The following TOX variants were observed in gnomAD, a reference collection of about 807,000 sequenced individuals.
TOX encodes thymocyte selection-associated high mobility group box protein TOX.
In TOX, 11 loss-of-function variants were observed where a neutral mutation model predicts 53.7. The ratio of observed to expected loss-of-function variants is 0.20; its 90% CI spans 0.13 to 0.34. The LOEUF (loss-of-function observed/expected upper bound fraction) is 0.34, where lower values mean the gene tolerates loss of function less well. Among genes scored for constraint, TOX ranks in the 10% least tolerant of loss-of-function variants. The probability of loss-of-function intolerance (pLI) is 1.00; values close to 1 mark genes in which losing one functional copy is unlikely to be tolerated. For synonymous variants in TOX, 225 were observed against 245.3 expected, an observed-to-expected ratio of 0.92 and a Z score of 0.77; for missense variants, 570 against 664.6, an observed-to-expected ratio of 0.86 and a Z score of 1.56.
At chr8:59,070,143 G>A (rs777755070) in intron 1 of TOX, among the ~76,000 whole-genome samples, 4 of 152,124 alleles carry the variant, frequency 2.6e-5, no homozygotes, top group African/African-American at 4.8e-5. Flanking sequence ...ATGTGACAGC[G>A]CAGCTACTTC....
At chr8:59,099,055 G>T (rs979602179) in intron 1 of TOX, among the ~76,000 whole-genome samples, 2 of 152,154 alleles carry the variant, frequency 1.3e-5, no homozygotes, top group Non-Finnish European at 2.9e-5. Flanking sequence ...TATGATGAAT[G>T]CCATGGTGCC....
chr8:58,968,064 C>T (rs897356891), intron 1 of TOX, among the ~76,000 whole-genome samples: 1 of 152,050 alleles, frequency 6.6e-6, no homozygotes, highest in South Asian at 2.1e-4. Context: ...CAAGAATTGC[C>T]TATATCATGA....
Position 58,988,181 on chromosome 8 carries a change from C to T in TOX, c.103-28173G>A, listed in dbSNP as rs1813370072. Among the ~76,000 whole-genome samples, 5 of 152,156 alleles carry T rather than the reference C, an allele frequency of 3.3e-5. No homozygotes were observed. The South Asian group carries it at 1.0e-3, about 31-fold the overall frequency. ...CACCATTGCAAAGACTGAAAGGACA[C>T]AACTCTTAAAAACTCAAAAGAATGA... On this transcript the variant is annotated intron_variant, in intron 1 of 8. Transcript: ENST00000361421.
At chr8:58,833,971 C>T (rs1015061542) in intron 5 of TOX, among the ~76,000 whole-genome samples, 1 of 152,164 alleles carries the variant, frequency 6.6e-6, no homozygotes, top group East Asian at 1.9e-4. Context: ...AACCAAAGTA[C>T]ATATTGTTTC....
At chr8:58,991,459 G>A (rs1353642880) in intron 1 of TOX, among the ~76,000 whole-genome samples, 1 of 152,204 alleles carries the variant, frequency 6.6e-6, no homozygotes, top group Admixed American at 6.5e-5. Flanking sequence ...ACTATAGTAA[G>A]TTCCAGGAGG....
At chr8:59,093,802 T>TA (rs1804666033) in intron 1 of TOX, among the ~76,000 whole-genome samples, 1 of 152,182 alleles carries the variant, frequency 6.6e-6, no homozygotes, top group East Asian at 1.9e-4. Context: ...ATCCAACCTT[T>TA]AAAAAATGAT....
At chr8:58,881,600 T>C (rs1811383659) in intron 3 of TOX, among the ~76,000 whole-genome samples, 5 of 151,752 alleles carry the variant, frequency 3.3e-5, no homozygotes, top group Admixed American at 3.3e-4. Flanking sequence ...GGCACGTGCC[T>C]GTAGTCCCAG....
At chr8:59,107,533 TATC>T (rs1201157179) in intron 1 of TOX, among the ~76,000 whole-genome samples, 1 of 152,214 alleles carries the variant, frequency 6.6e-6, no homozygotes, top group Non-Finnish European at 1.5e-5. Context: ...TCTTCTTACT[TATC>T]ATGCTCTGTA....
In TOX at chr8:59,092,262, ATTT is replaced by A. The variant is rs376312907; in HGVS notation, c.102+26621_102+26623del. Among the ~76,000 whole-genome samples, 7 of 57,752 alleles carry A rather than the reference ATTT, an allele frequency of 1.2e-4. No homozygotes were observed. The East Asian group carries it at 3.0e-3, about 25-fold the overall frequency. 37.9% of individuals were successfully genotyped at this position (57,752 alleles called of 152,430 possible). On this transcript the variant is annotated intron_variant, in intron 1 of 8. Transcript: ENST00000361421. Reference sequence around the variant, plus strand: ...GCAAGACTCCATCTCATATATATATATTTTATATATATATATATATTATATATA... The same window carrying A: ...GCAAGACTCCATCTCATATATATATATATATATATATATATATTATATATA...
Position 58,853,769 on chromosome 8 carries a change from C to G in TOX, c.412-1964G>C, listed in dbSNP as rs564073952. 3.9e-5 allele frequency among the ~76,000 whole-genome samples: 6 copies of G among 152,256 alleles called. No individual in the cohort carries two copies. The South Asian group carries it at 6.2e-4, about 16-fold the overall frequency. On this transcript the variant is annotated intron_variant, in intron 3 of 8. Coordinates refer to ENST00000361421, the MANE Select transcript of TOX (RefSeq NM_014729.3). Reference sequence around the variant, plus strand: ...GTCACATTTACTAAAATGGTTGTTGCCTCTTCTTAGATGTACATGTAACTT... The same window carrying G: ...GTCACATTTACTAAAATGGTTGTTGGCTCTTCTTAGATGTACATGTAACTT...
chr8:59,040,924 G>T (rs575765978), intron 1 of TOX, among the ~76,000 whole-genome samples: 2 of 152,256 alleles, frequency 1.3e-5, no homozygotes, highest in East Asian at 3.9e-4. Context: ...ACACACCCTT[G>T]CTTCAAAGCC....
intron 6 of TOX, among the ~76,000 whole-genome samples, chr8:58,819,925 T>G (rs1252836599): frequency 6.6e-6 from 1 of 152,218 alleles, no homozygotes; most frequent in Non-Finnish European, 1.5e-5. Context: ...CCTACTCAAT[T>G]GTGCATTGCT....
intron 1 of TOX, among the ~76,000 whole-genome samples, chr8:59,048,848 C>A (rs2129421181): frequency 6.6e-6 from 1 of 152,002 alleles, no homozygotes; most frequent in East Asian, 1.9e-4. Flanking sequence ...CCATTAAAAG[C>A]AATTTGTATT....
intron 1 of TOX, among the ~76,000 whole-genome samples, chr8:59,113,855 G>C (rs753173974): frequency 6.6e-6 from 1 of 152,104 alleles, no homozygotes; most frequent in African/African-American, 2.4e-5. Context: ...AGAAACACCC[G>C]CAGGGTCTTT....
rs1254280673 is a variant in TOX, at chr8:59,038,020, G to C, written c.103-78012C>G. 3.9e-5 allele frequency among the ~76,000 whole-genome samples: 6 copies of C among 152,212 alleles called. No individual in the cohort carries two copies. The South Asian group carries it at 1.0e-3, about 26-fold the overall frequency. ...TTTAGAGAACATCTAGTGTCTCTAT[G>C]ACTTTTGAAATGCCAGACTTCCCTG... On this transcript the variant is annotated intron_variant, in intron 1 of 8. Transcript: ENST00000361421.
intron 1 of TOX, among the ~76,000 whole-genome samples, chr8:59,001,220 T>G (rs10504274): frequency 0.94 from 143,220 of 152,280 alleles, 67,393 homozygotes; most frequent in East Asian, 1. Flanking sequence ...GATAATCAAG[T>G]TTATGGTTTT....
intron 6 of TOX, among the ~76,000 whole-genome samples, chr8:58,820,865 T>G (rs962055894): frequency 2.6e-5 from 4 of 152,200 alleles, no homozygotes; most frequent in African/African-American, 9.7e-5. Context: ...CTGGTCTATG[T>G]GGTAAAATGA....
At chr8:58,979,337 G>C (rs900432057) in intron 1 of TOX, among the ~76,000 whole-genome samples, 1 of 152,142 alleles carries the variant, frequency 6.6e-6, no homozygotes, top group African/African-American at 2.4e-5. Flanking sequence ...AATTCCATTT[G>C]TGTTTCAGGC....
At chr8:59,087,279 T>G (rs1048585941) in intron 1 of TOX, among the ~76,000 whole-genome samples, 11 of 152,196 alleles carry the variant, frequency 7.2e-5, no homozygotes, top group African/African-American at 2.7e-4. Context: ...TTTTGCCTTC[T>G]GATTTAAAGG....
Sources: gnomAD v4.1 joint callset for allele counts (sites outside exome capture counted in the v4.1 genomes callset) on GRCh38, gnomAD v4.1.1 for gene constraint, MANE v1.5 for transcripts, NCBI Gene and HGNC (gene_info 2026-07-23, HGNC 2026-07-21) for gene names.